ZNF254: variants seen among roughly 807,000 people sequenced by gnomAD.
ZNF254 encodes the protein CTD-2017D11.1.
A neutral mutation model predicts 12.4 loss-of-function variants in ZNF254; 10 were observed. The observed-to-expected ratio is 0.80, with a 90% CI of 0.50 to 1.36. ZNF254 has a LOEUF of 1.36. ZNF254 is among the 40% of genes most tolerant of loss of function. The probability of loss-of-function intolerance (pLI) is 0.00; values close to 1 mark genes in which losing one functional copy is unlikely to be tolerated. For synonymous variants in ZNF254, 305 were observed against 253.4 expected (o/e 1.20, Z -1.93); for missense variants, 996 against 763.9 (o/e 1.30, Z -3.58).
At chr19:24,124,859 C>T (rs556541007) in intron 3 of ZNF254, among the ~76,000 whole-genome samples, 2 of 152,076 alleles carry the variant, frequency 1.3e-5, no homozygotes, top group African/African-American at 4.8e-5. Context: ...CTGCAAGCTC[C>T]ACTTCCTGGG....
At chr19:24,087,065 C>A, upstream of ZNF254, 1 of 480,106 alleles carries the variant, frequency 2.1e-6, no homozygotes, top group Non-Finnish European at 3.9e-6. Flanking sequence ...ATCACATCTT[C>A]TATCACTCAG....
chr19:24,084,425 C>T (rs182751435), upstream of ZNF254, among the ~76,000 whole-genome samples: 93 of 151,750 alleles, frequency 6.1e-4, no homozygotes, highest in East Asian at 0.014. Flanking sequence ...AGAAGAGTGA[C>T]GGATAAAAGA....
intron 3 of ZNF254, among the ~76,000 whole-genome samples, chr19:24,109,263 A>T (rs1392650859): frequency 6.6e-6 from 1 of 152,186 alleles, no homozygotes; most frequent in African/African-American, 2.4e-5. Context: ...TACTGCATTT[A>T]CTCTGAAATT....
At chr19:24,062,248 G>A (rs1480635596) in intron 2 of ZNF254, among the ~76,000 whole-genome samples, 1 of 152,170 alleles carries the variant, frequency 6.6e-6, no homozygotes, top group Non-Finnish European at 1.5e-5. Flanking sequence ...GTTAGATCAT[G>A]TTTCATGTAA....
chr19:24,100,068 T>C (rs79120765), intron 1 of ZNF254, among the ~76,000 whole-genome samples: 4,391 of 152,260 alleles, frequency 0.029, 97 homozygotes, highest in South Asian at 0.064. Flanking sequence ...CTCTGTCTAT[T>C]TGGTGTCTAT....
intron 1 of ZNF254, chr19:24,105,726 A>G (rs1221368951): frequency 1.6e-6 from 1 of 627,894 alleles, no homozygotes; most frequent in Non-Finnish European, 2.4e-6. Context: ...CAAGTATCAC[A>G]TATACACTGA....
chr19:24,106,812 C>T, intron 3 of ZNF254, 169 bp downstream of exon 3: 1 of 454,340 alleles, frequency 2.2e-6, no homozygotes, highest in Admixed American at 3.8e-5. Flanking sequence ...TCTGCTTATG[C>T]CTATAAAATC....
intron 3 of ZNF254, among the ~76,000 whole-genome samples, chr19:24,123,599 C>T (rs1255141812): frequency 2.0e-5 from 3 of 152,090 alleles, no homozygotes; most frequent in African/African-American, 4.8e-5. Context: ...GACACACACA[C>T]ACACACCTGC....
At chr19:24,124,555 T>A (rs1369739557) in intron 3 of ZNF254, among the ~76,000 whole-genome samples, 1 of 152,130 alleles carries the variant, frequency 6.6e-6, no homozygotes, top group Non-Finnish European at 1.5e-5. Flanking sequence ...TATACTTTTT[T>A]AGAATTTGGT....
intron 2 of ZNF254, among the ~76,000 whole-genome samples, chr19:24,076,069 A>C (rs927101071): frequency 4.6e-5 from 7 of 152,234 alleles, no homozygotes; most frequent in Non-Finnish European, 8.8e-5. Context: ...GTTCAAACAC[A>C]CATGTTTTAC....
chr19:24,057,578 G>T (rs62114783), intron 2 of ZNF254, among the ~76,000 whole-genome samples: 22,592 of 152,258 alleles, frequency 0.15, 1,935 homozygotes, highest in Middle Eastern at 0.23. Flanking sequence ...TTGACACTCA[G>T]GCACACCCAG....
At chr19:24,039,110 C>G (rs1045167762) in intron 1 of ZNF254, among the ~76,000 whole-genome samples, 1 of 152,212 alleles carries the variant, frequency 6.6e-6, no homozygotes, top group African/African-American at 2.4e-5. Context: ...GATTTCTCCT[C>G]TACTTTTCCT....
chr19:24,051,946 A>G (rs1443504944), intron 2 of ZNF254, among the ~76,000 whole-genome samples: 1 of 151,990 alleles, frequency 6.6e-6, no homozygotes, highest in Non-Finnish European at 1.5e-5. Flanking sequence ...GCATTTTGAC[A>G]TGTTTTTGGG....
intron 3 of ZNF254, among the ~76,000 whole-genome samples, chr19:24,115,633 C>A (rs1304108924): frequency 6.6e-6 from 1 of 151,860 alleles, no homozygotes; most frequent in African/African-American, 2.4e-5. Context: ...ATGTAACTAA[C>A]CTGCACATTG....
chr19:24,056,206 G>C (rs190086601), intron 2 of ZNF254, among the ~76,000 whole-genome samples: 1 of 152,268 alleles, frequency 6.6e-6, no homozygotes, highest in Admixed American at 6.5e-5. Context: ...TGAGCCCTAT[G>C]CCCAGGTTAT....
At chr19:24,081,443 G>A (rs1325265726) in intron 2 of ZNF254, among the ~76,000 whole-genome samples, 1 of 152,172 alleles carries the variant, frequency 6.6e-6, no homozygotes, top group African/African-American at 2.4e-5. Flanking sequence ...CATTTTGCTA[G>A]ACACTCCAAT....
At chr19:24,058,952 C>A (rs67724456) in intron 2 of ZNF254, among the ~76,000 whole-genome samples, 22,589 of 152,234 alleles carry the variant, frequency 0.15, 1,937 homozygotes, top group Middle Eastern at 0.23. Flanking sequence ...CTGCCTAGTT[C>A]CTTCTCACAA....
At chr19:24,084,688 C>T (rs1461626970), upstream of ZNF254, among the ~76,000 whole-genome samples, 8 of 152,012 alleles carry the variant, frequency 5.3e-5, no homozygotes, top group African/African-American at 1.7e-4. Context: ...AGTGCAGTGG[C>T]TTAATCAGGG....
intron 2 of ZNF254, chr19:24,066,787 C>T (rs751304029): frequency 1.3e-5 from 2 of 152,170 alleles, no homozygotes; most frequent in African/African-American, 4.8e-5. Flanking sequence ...GTAGTTGCAG[C>T]TACTCAGGAG....
Sources: gnomAD v4.1 joint callset for allele counts (sites outside exome capture counted in the v4.1 genomes callset) on GRCh38, gnomAD v4.1.1 for gene constraint, MANE v1.5 for transcripts, NCBI Gene and HGNC (gene_info 2026-07-23, HGNC 2026-07-21) for gene names.